RBBP7: variants seen among roughly 807,000 people sequenced by gnomAD.
RBBP7 encodes histone-binding protein RBBP7.
Under a neutral mutation model 35.2 loss-of-function variants are expected in RBBP7, and 5 were observed. The ratio of observed to expected loss-of-function variants is 0.14; its 90% CI spans 0.07 to 0.30. RBBP7 has a LOEUF of 0.30. Among genes scored for constraint, RBBP7 ranks in the 10% least tolerant of loss-of-function variants. The pLI is 1.00. For synonymous variants in RBBP7, 140 were observed against 118.7 expected (o/e 1.18, Z -1.17); for missense variants, 155 against 327.5 (o/e 0.47, Z 4.07).
chrX:16,861,689 T>C (rs1288604056), intron 3 of RBBP7, among the ~76,000 whole-genome samples: 1 of 111,482 alleles, frequency 9.0e-6, no homozygotes, highest in South Asian at 3.7e-4. Context: ...AGGCACATAT[T>C]AGAAAGTGCT....
intron 6 of RBBP7, 135 bp downstream of exon 6, chrX:16,853,547 A>T: frequency 4.0e-6 from 2 of 504,589 alleles, no homozygotes; most frequent in Non-Finnish European, 5.8e-6. Context: ...TATTGAGATT[A>T]CAGGAGTAAG....
intron 2 of RBBP7, 93 bp downstream of exon 2, chrX:16,868,983 A>C (rs1238976417): frequency 1.0e-6 from 1 of 969,866 alleles, no homozygotes; most frequent in African/African-American, 2.0e-5. Context: ...AGGGCTGATT[A>C]CATACTTATG....
At chrX:16,851,397 G>A (rs776421928) in intron 9 of RBBP7, among the ~76,000 whole-genome samples, 18 of 111,944 alleles carry the variant, frequency 1.6e-4, no homozygotes, top group African/African-American at 5.2e-4. Context: ...GACATCTTAC[G>A]GAGGAGTATG....
At position 16,870,155 on chromosome X, in the gene RBBP7, C is replaced by T; in HGVS notation, c.-102G>A. The T allele has an allele frequency of 1.0e-6, 1 of 977,801 alleles. No homozygotes were observed. Among genetic ancestry groups the T allele is most frequent in the African/African-American group, 2.0e-5 (1 of 49,517 alleles). 80.6% of individuals were successfully genotyped at this position (977,801 alleles called of 1,213,427 possible). On this transcript the variant is annotated 5_prime_UTR_variant, in exon 1 of 12. The change creates a new upstream start codon in the 5' untranslated region. Coordinates refer to ENST00000380087, the MANE Select transcript of RBBP7 (RefSeq NM_002893.4). ...TCCTGCCTTTCCCAAGCGCGTCACA[C>T]TCCCCACTGTCGAAAGCCCGGGCCC...
chrX:16,858,619 T>C, intron 4 of RBBP7, 57 bp downstream of exon 4: 1 of 1,177,150 alleles, frequency 8.5e-7, no homozygotes, highest in East Asian at 3.0e-5. Flanking sequence ...TTAAAAACAT[T>C]ACCAGTTTGA....
intron 9 of RBBP7, among the ~76,000 whole-genome samples, chrX:16,850,653 A>C (rs5969753): frequency 8.9e-6 from 1 of 112,681 alleles, no homozygotes; most frequent in Non-Finnish European, 1.9e-5. Flanking sequence ...TAAGTTTTAC[A>C]TACAAGCATT....
chrX:16,854,085 T>C (rs1930284067), intron 5 of RBBP7, among the ~76,000 whole-genome samples: 1 of 110,659 alleles, frequency 9.0e-6, no homozygotes, highest in South Asian at 3.9e-4. Flanking sequence ...GGTCTCACCA[T>C]ATTGGCCAGG....
chrX:16,861,623 T>C (rs1234290329), intron 3 of RBBP7, among the ~76,000 whole-genome samples: 1 of 111,997 alleles, frequency 8.9e-6, no homozygotes, highest in African/African-American at 3.2e-5. Flanking sequence ...GTTGGGACTA[T>C]GGGTATAGCC....
In RBBP7 at chrX:16,844,818, T is replaced by C. The variant is rs930827918; in HGVS notation, c.*217A>G. 6.4e-6 allele frequency: 2 copies of C among 313,968 alleles called. No homozygotes were observed. Among genetic ancestry groups the C allele is most frequent in the African/African-American group, 2.7e-5 (1 of 37,180 alleles). 25.9% of individuals were successfully genotyped at this position (313,968 alleles called of 1,213,427 possible). A position where few individuals can be genotyped will look rare whatever the true frequency, so the allele number is the denominator to read the frequency against. ...CCCTGCTACTTGTATTTAAAATCAA[T>C]GGTGATGTTCTTTCTTAAGCAACAT... On this transcript the variant is annotated 3_prime_UTR_variant, in exon 12 of 12. Transcript: ENST00000380087.
chrX:16,853,873 C>G, intron 5 of RBBP7, 31 bp from the exon 6 acceptor site: 1 of 1,048,128 alleles, frequency 9.5e-7, no homozygotes, highest in Non-Finnish European at 1.2e-6. Flanking sequence ...AAAAAAAGAA[C>G]AAGGGCTATA....
chrX:16,852,277 G>A, intron 8 of RBBP7, 155 bp from the exon 9 acceptor site: 1 of 556,881 alleles, frequency 1.8e-6, no homozygotes, highest in East Asian at 3.6e-5. Context: ...CAAGTGCTCT[G>A]CAAGGGCTCA....
intron 9 of RBBP7, among the ~76,000 whole-genome samples, chrX:16,851,748 T>C (rs143865473): frequency 0.022 from 2,532 of 112,712 alleles, 36 homozygotes; most frequent in Non-Finnish European, 0.037. Context: ...GATTTCTCTA[T>C]ATCAAGTGTG....
At chrX:16,868,646 C>T (rs1223734658) in intron 2 of RBBP7, among the ~76,000 whole-genome samples, 1 of 112,470 alleles carries the variant, frequency 8.9e-6, no homozygotes, top group African/African-American at 3.2e-5. Context: ...TTTCCCTTTA[C>T]CAATTAAAAT....
intron 5 of RBBP7, among the ~76,000 whole-genome samples, chrX:16,856,789 C>T (rs948885379): frequency 3.6e-5 from 4 of 111,132 alleles, no homozygotes; most frequent in African/African-American, 1.3e-4. Context: ...CCATATGATC[C>T]AATAATTCCA....
chrX:16,866,756 A>C (rs1050822822), intron 2 of RBBP7, among the ~76,000 whole-genome samples: 2 of 109,823 alleles, frequency 1.8e-5, no homozygotes, highest in Non-Finnish European at 3.8e-5. Context: ...AGAATAGTCA[A>C]CATTTTTACT....
chrX:16,851,943 T>C (rs952557946), intron 9 of RBBP7, 103 bp downstream of exon 9: 13 of 644,961 alleles, frequency 2.0e-5, no homozygotes, highest in Non-Finnish European at 3.1e-5. Flanking sequence ...ATTAGGTTTC[T>C]TGAAGGGGGG....
intron 10 of RBBP7, chrX:16,846,843 G>T (rs1359376747): frequency 8.9e-6 from 1 of 112,166 alleles, no homozygotes; most frequent in East Asian, 2.8e-4. Context: ...TTAAAAATAT[G>T]AGGTGGGGCT....
chrX:16,864,227 G>GA (rs1423345856), intron 2 of RBBP7, among the ~76,000 whole-genome samples: 1 of 110,910 alleles, frequency 9.0e-6, no homozygotes, highest in Non-Finnish European at 1.9e-5. Flanking sequence ...CAACGTGTTT[G>GA]AAAAAAAGAC....
chrX:16,864,246 G>A (rs1005229561), intron 2 of RBBP7, among the ~76,000 whole-genome samples: 3 of 110,997 alleles, frequency 2.7e-5, no homozygotes, highest in Non-Finnish European at 5.7e-5. Context: ...ACAAATGGGC[G>A]CCGTGGCTCA....
Sources: allele counts gnomAD v4.1 joint callset (sites outside exome capture counted in the v4.1 genomes callset), GRCh38; gene constraint gnomAD v4.1.1; transcripts MANE v1.5; gene names NCBI Gene and HGNC (gene_info 2026-07-23, HGNC 2026-07-21).